The following PPARD variants were observed in gnomAD, a reference collection of about 807,000 sequenced individuals.
The protein encoded by PPARD is peroxisome proliferator-activated receptor delta.
Under a neutral mutation model 39.5 loss-of-function variants are expected in PPARD, and 6 were observed. The observed-to-expected ratio is 0.15, with a 90% CI of 0.08 to 0.30. The LOEUF (loss-of-function observed/expected upper bound fraction) is 0.30. Ranked by LOEUF, PPARD falls within the 10% of genes least tolerant of loss-of-function variation. The probability of loss-of-function intolerance (pLI) is 1.00; values close to 1 mark genes in which losing one functional copy is unlikely to be tolerated. For missense variants in PPARD, 397 were observed against 596.8 expected (o/e 0.67, Z 3.49); for synonymous variants, 210 against 231.3 (o/e 0.91, Z 0.83).
chr6:35,403,615 C>T (rs1764838465), intron 2 of PPARD, among the ~76,000 whole-genome samples: 2 of 152,184 alleles, frequency 1.3e-5, no homozygotes, highest in Non-Finnish European at 2.9e-5. Context: ...GTGCTGGGAC[C>T]TACCTCAGTA....
chr6:35,385,347 T>G (rs1313237191), intron 2 of PPARD, among the ~76,000 whole-genome samples: 3 of 148,318 alleles, frequency 2.0e-5, no homozygotes, highest in Non-Finnish European at 4.5e-5. Context: ...AACCCTGTGC[T>G]CTCTGAAACA....
At chr6:35,389,426 C>T (rs1281418347) in intron 2 of PPARD, among the ~76,000 whole-genome samples, 2 of 152,168 alleles carry the variant, frequency 1.3e-5, no homozygotes, top group African/African-American at 4.8e-5. Flanking sequence ...ATTCTCCTGC[C>T]TCAGCCTCTC....
intron 2 of PPARD, among the ~76,000 whole-genome samples, chr6:35,385,045 C>T (rs1293770267): frequency 6.9e-5 from 10 of 145,424 alleles, no homozygotes; most frequent in African/African-American, 2.2e-4. Context: ...CCAGCCGCCC[C>T]GTCCGGGAGG....
chr6:35,374,928 T>G (rs1310355105), intron 2 of PPARD, among the ~76,000 whole-genome samples: 1 of 152,138 alleles, frequency 6.6e-6, no homozygotes, highest in African/African-American at 2.4e-5. Context: ...CCACCAAGTC[T>G]TGTTTGTCCT....
chr6:35,386,658 C>T (rs1429053188), intron 2 of PPARD, among the ~76,000 whole-genome samples: 1 of 152,112 alleles, frequency 6.6e-6, no homozygotes, highest in Non-Finnish European at 1.5e-5. Context: ...GAATCTACCT[C>T]ACTGTTGGCC....
chr6:35,412,657 T>C lies in PPARD; in HGVS notation c.130+1440T>C, dbSNP rs1228863178. On this transcript the variant is annotated intron_variant, in intron 3 of 7. Coordinates refer to ENST00000360694, the MANE Select transcript of PPARD (RefSeq NM_006238.5). This position sits in a 1 kb window ranked among gnomAD's most constrained non-coding sequence, Gnocchi z 4.1. ...GTTCTTCCTCTTCAGTGTATAGAGT[T>C]GGGTGGAGGGAGTATAGAGCCATCA... Among the ~76,000 whole-genome samples, 1 of 152,128 alleles carries C rather than the reference T, an allele frequency of 6.6e-6. No individual in the cohort carries two copies. The highest frequency in any genetic ancestry group is 6.5e-5 in the Admixed American group (1 of 15,282).
intron 2 of PPARD, among the ~76,000 whole-genome samples, chr6:35,410,763 C>T (rs532427434): frequency 2.0e-4 from 31 of 152,130 alleles, no homozygotes; most frequent in Admixed American, 1.3e-3. Flanking sequence ...GAGCCTGCTC[C>T]GAACCCCACA....
intron 3 of PPARD, among the ~76,000 whole-genome samples, chr6:35,419,715 C>T (rs1003736371): frequency 1.3e-5 from 2 of 152,164 alleles, no homozygotes; most frequent in Non-Finnish European, 2.9e-5. Flanking sequence ...ATGGGCCACA[C>T]GGTGGCAACC....
intron 5 of PPARD, among the ~76,000 whole-genome samples, chr6:35,422,777 T>TA (rs537070760): frequency 3.0e-4 from 46 of 152,276 alleles, no homozygotes; most frequent in Non-Finnish European, 5.6e-4. Context: ...TCCCTCTCCT[T>TA]ACGCTAACTC....
At chr6:35,370,298 C>T (rs1399325859) in intron 2 of PPARD, among the ~76,000 whole-genome samples, 2 of 152,126 alleles carry the variant, frequency 1.3e-5, no homozygotes, top group Admixed American at 1.3e-4. Context: ...TCCTGTTGCC[C>T]TTAGAAAGGC....
At position 35,423,961 on chromosome 6, in the gene PPARD, G is replaced by A. The variant is rs1388047922; in HGVS notation, c.440G>A (p.Arg147Gln). The A allele has an allele frequency of 1.9e-6, 3 of 1,614,022 alleles. No individual in the cohort carries two copies. Among genetic ancestry groups the A allele is most frequent in the African/African-American group, 2.7e-5 (2 of 74,924 alleles). The part of the protein sequence containing the change: ...GMSHNAIRFG[R>Q]MPEAEKRKLV... ...CCCTGTGCAGCTATCCGTTTTGGTC[G>A]GATGCCGGAGGCTGAGAAGAGGAAG... Residue 147 changes from arginine (R) to glutamine (Q), a missense_variant, in exon 6 of 8, where the codon CGG (arginine) becomes CAG (glutamine). Arg to Gln is a conservative substitution (Grantham distance 43, BLOSUM62 1). Coordinates refer to ENST00000360694, the MANE Select transcript of PPARD (RefSeq NM_006238.5).
At chr6:35,365,618 G>A (rs911855984) in intron 2 of PPARD, among the ~76,000 whole-genome samples, 2 of 151,332 alleles carry the variant, frequency 1.3e-5, no homozygotes, top group Middle Eastern at 3.2e-3. Context: ...AGCCTCCTGA[G>A]TAGCTGGGAT....
At position 35,396,597 on chromosome 6, in the gene PPARD, G is replaced by A. The variant is rs538040979; in HGVS notation, c.-101-14390G>A. ...TATAATCCCAGCACTTTGGGAGGCC[G>A]AGGCGGGCAGATCATGAGGTCAGGA... On this transcript the variant is annotated intron_variant, in intron 2 of 7. Transcript: ENST00000360694. Among the ~76,000 whole-genome samples, 5 of 150,268 alleles carry A rather than the reference G, an allele frequency of 3.3e-5. No individual in the cohort carries two copies. The South Asian group carries it at 6.3e-4, about 19-fold the overall frequency.
At chr6:35,343,496 C>G (rs1265366964) in intron 1 of PPARD, among the ~76,000 whole-genome samples, 1 of 150,918 alleles carries the variant, frequency 6.6e-6, no homozygotes, top group Non-Finnish European at 1.5e-5. Context: ...ACACTCTACT[C>G]TACTTTCACT....
Position 35,424,256 on chromosome 6 carries a change from G to T in PPARD, c.628-73G>T. ...CTTCTCCCTCCCTCAACTTCATGGT[G>T]CAGGCAAGGGACATGGGGAGCACAG... is the stretch of plus-strand genomic sequence containing the variant. On this transcript the variant is annotated intron_variant, in intron 6 of 7. Coordinates refer to ENST00000360694, the MANE Select transcript of PPARD (RefSeq NM_006238.5). The surrounding 1 kb of genome is among the most constrained non-coding windows in gnomAD (Gnocchi z 7.1). 6.3e-7 allele frequency: 1 copy of T among 1,593,494 alleles called. No homozygotes were observed.
At chr6:35,353,780 T>A (rs753164200) in intron 2 of PPARD, among the ~76,000 whole-genome samples, 1 of 152,156 alleles carries the variant, frequency 6.6e-6, no homozygotes, top group Non-Finnish European at 1.5e-5. Context: ...TACTTGAAGC[T>A]GAGAGAAGGC....
chr6:35,374,657 CAAA>C (rs372824499), intron 2 of PPARD, among the ~76,000 whole-genome samples: 9 of 80,534 alleles, frequency 1.1e-4, no homozygotes, highest in Non-Finnish European at 3.1e-5. Context: ...GACTCTGTCT[CAAA>C]AAAAAAAAAA....
At chr6:35,380,222 C>T (rs1214068182) in intron 2 of PPARD, among the ~76,000 whole-genome samples, 2 of 152,192 alleles carry the variant, frequency 1.3e-5, no homozygotes, top group Non-Finnish European at 2.9e-5. Context: ...GTGGAAGCTC[C>T]ATTAGGTCAT....
chr6:35,344,083 C>T (rs1171515541), intron 1 of PPARD, among the ~76,000 whole-genome samples: 3 of 152,028 alleles, frequency 2.0e-5, no homozygotes, highest in Non-Finnish European at 4.4e-5. Flanking sequence ...CTTGAAACAG[C>T]TGCTGATTTT....
Sources: gnomAD v4.1 joint callset for allele counts (sites outside exome capture counted in the v4.1 genomes callset) on GRCh38, gnomAD v4.1.1 for gene constraint, Gnocchi (gnomAD v3.1) non-coding constraint, MANE v1.5 for transcripts, NCBI Gene and HGNC (gene_info 2026-07-23, HGNC 2026-07-21) for gene names.